RIN3: variants seen among roughly 807,000 people sequenced by gnomAD.
RIN3 encodes the protein Ras and Rab interactor 3.
RIN3 carries 54 observed loss-of-function variants against 76.3 expected under a neutral mutation model. The observed-to-expected ratio is 0.71, with a 90% CI of 0.57 to 0.89. The LOEUF (loss-of-function observed/expected upper bound fraction) is 0.89. RIN3 is among the 40% of genes least tolerant of loss of function. The probability of loss-of-function intolerance (pLI) is 0.00; values close to 1 mark genes in which losing one functional copy is unlikely to be tolerated. For synonymous variants in RIN3, 576 were observed against 564.0 expected (o/e 1.02, Z -0.30); for missense variants, 1,256 against 1,322.1 (o/e 0.95, Z 0.78).
chr14:92,576,247 C>A, intron 2 of RIN3: 1 of 1,286,116 alleles, frequency 7.8e-7, no homozygotes, highest in Non-Finnish European at 1.0e-6. Flanking sequence ...TTTAAAACAG[C>A]AGAGTTTGTG....
Position 92,669,293 on chromosome 14 carries a change from G to A in RIN3, c.2336-7182G>A, listed in dbSNP as rs1375155800. On this transcript the variant is annotated intron_variant, in intron 7 of 9. Coordinates refer to ENST00000216487, the MANE Select transcript of RIN3 (RefSeq NM_024832.5). Reference sequence around the variant, plus strand: ...CAAAATATATCCTCCAAGGTGAAACGTGCAACTGGGGTCGATAAAGCAGGG... The same window carrying A: ...CAAAATATATCCTCCAAGGTGAAACATGCAACTGGGGTCGATAAAGCAGGG... Among the ~76,000 whole-genome samples the A allele has an allele frequency of 2.0e-5, 3 of 152,294 alleles. No individual in the cohort carries two copies. The South Asian group carries it at 6.2e-4, about 32-fold the overall frequency.
intron 1 of RIN3, among the ~76,000 whole-genome samples, chr14:92,520,393 G>C (rs1896565350): frequency 1.3e-5 from 2 of 152,144 alleles, no homozygotes; most frequent in African/African-American, 4.8e-5. Flanking sequence ...GGGCCTTTGA[G>C]CCCATCCTCG....
At chr14:92,672,660 A>ATGTGTGTGTGTG (rs57611104) in intron 7 of RIN3, among the ~76,000 whole-genome samples, 9 of 148,396 alleles carry the variant, frequency 6.1e-5, no homozygotes, top group African/African-American at 2.2e-4. Flanking sequence ...ATGTGTGTGC[A>ATGTGTGTGTGTG]TGTGTGTGTG....
Position 92,688,643 on chromosome 14 carries a change from C to T in RIN3, c.*391C>T, listed in dbSNP as rs976071935. ...AAAGAAGGGCCCGAGCTTAGTTTCC[C>T]CAGGACTGGCCTAGGAAGGAGCACC... On this transcript the variant is annotated 3_prime_UTR_variant, in exon 10 of 10. Coordinates refer to ENST00000216487, the MANE Select transcript of RIN3 (RefSeq NM_024832.5). The T allele has an allele frequency of 2.6e-5, 6 of 232,024 alleles. No homozygotes were observed. The highest frequency in any genetic ancestry group is 7.0e-5 in the African/African-American group (3 of 43,004). The allele number at this position is 232,024 out of a possible 1,614,324, so 14.4% of individuals were successfully genotyped here. A position where few individuals can be genotyped will look rare whatever the true frequency, so the allele number is the denominator to read the frequency against.
At chr14:92,516,624 C>T (rs952847166) in intron 1 of RIN3, among the ~76,000 whole-genome samples, 3 of 152,166 alleles carry the variant, frequency 2.0e-5, no homozygotes, top group Non-Finnish European at 4.4e-5. Context: ...CCTGCCCCCC[C>T]ACCCCGAGAA....
At position 92,656,376 on chromosome 14, in the gene RIN3, G is replaced by A. The variant is rs904423557; in HGVS notation, c.2027-2785G>A. Among the ~76,000 whole-genome samples, 1 of 152,198 alleles carries A rather than the reference G, an allele frequency of 6.6e-6. No homozygotes were observed. The highest frequency in any genetic ancestry group is 2.4e-5 in the African/African-American group (1 of 41,446). On this transcript the variant is annotated intron_variant, in intron 6 of 9. Coordinates refer to ENST00000216487, the MANE Select transcript of RIN3 (RefSeq NM_024832.5). The surrounding 1 kb of genome is among the most constrained non-coding windows in gnomAD (Gnocchi z 5.2). ...CCCTGAAGGGTGTGTGTGGAGGGCA[G>A]AGGAGAGGGGACAAGACAGGGGGAC...
intron 2 of RIN3, among the ~76,000 whole-genome samples, chr14:92,574,192 G>T (rs915005270): frequency 7.9e-5 from 12 of 152,230 alleles, no homozygotes; most frequent in Admixed American, 7.8e-4. Context: ...GAGAGAGGGG[G>T]TCCTGAACAG....
chr14:92,581,008 G>T (rs1366188758), intron 3 of RIN3, among the ~76,000 whole-genome samples: 1 of 152,220 alleles, frequency 6.6e-6, no homozygotes, highest in Non-Finnish European at 1.5e-5. Flanking sequence ...TGACCTCTCC[G>T]TCTTGTGAAG....
intron 1 of RIN3, among the ~76,000 whole-genome samples, chr14:92,543,273 A>G (rs1566834421): frequency 6.6e-6 from 1 of 152,136 alleles, no homozygotes; most frequent in East Asian, 1.9e-4. Context: ...TGGGGGGAGT[A>G]GTCCTCATGG....
chr14:92,592,683 ATTATTATTG>A lies in RIN3; in HGVS notation c.367+15208_367+15216del, dbSNP rs1337405148. On this transcript the variant is annotated intron_variant, in intron 3 of 9. Transcript: ENST00000216487. ...TATTATTATTATTATTATTATTATT[ATTATTATTG>A]TGAGACAGAGTCTTACTCTGTCGCC... Among the ~76,000 whole-genome samples, 324 of 126,960 alleles carry A rather than the reference ATTATTATTG, an allele frequency of 2.6e-3. 3 individuals are homozygous for A. The highest frequency in any genetic ancestry group is 9.3e-3 in the African/African-American group (295 of 31,706). The allele number at this position is 126,960 out of a possible 152,430, so 83.3% of individuals were successfully genotyped here. A position where few individuals can be genotyped will look rare whatever the true frequency, so the allele number is the denominator to read the frequency against.
In RIN3 at chr14:92,656,578, G is replaced by A. The variant is rs1449539607; in HGVS notation, c.2027-2583G>A. Among the ~76,000 whole-genome samples the A allele has an allele frequency of 6.6e-6, 1 of 152,232 alleles. No individual in the cohort carries two copies. Among genetic ancestry groups the A allele is most frequent in the African/African-American group, 2.4e-5 (1 of 41,458 alleles). On this transcript the variant is annotated intron_variant, in intron 6 of 9. Transcript: ENST00000216487. The surrounding 1 kb of genome is among the most constrained non-coding windows in gnomAD (Gnocchi z 5.2). The stretch of plus-strand genomic sequence containing the variant: ...CCTGTTAAGGCCAAATCTGCTTCGG[G>A]CACCAAGATGTCAAGAGGTGCTAGA...
rs1286587450 is a variant in RIN3, at chr14:92,621,291, C to A, written c.440+5812C>A. 1.7e-4 allele frequency among the ~76,000 whole-genome samples: 22 copies of A among 132,412 alleles called. 1 individual carries two copies. 86.9% of individuals were successfully genotyped at this position (132,412 alleles called of 152,430 possible). ...ACTTCTGATGCATTTTTTTACAATA[C>A]TTCTTGTTTTACTGTCGATGAAGAG... is the stretch of plus-strand genomic sequence containing the variant. On this transcript the variant is annotated intron_variant, in intron 4 of 9. Transcript: ENST00000216487.
chr14:92,628,044 T>C lies in RIN3; in HGVS notation c.440+12565T>C, dbSNP rs993410048. ...ACCACACAATCTAGGCTAATTCCGA[T>C]TGGCTACTGTTGACATCATCAAAGG... is the stretch of plus-strand genomic sequence containing the variant. On this transcript the variant is annotated intron_variant, in intron 4 of 9. Coordinates refer to ENST00000216487, the MANE Select transcript of RIN3 (RefSeq NM_024832.5). Among the ~76,000 whole-genome samples, 6 of 152,258 alleles carry C rather than the reference T, an allele frequency of 3.9e-5. No homozygotes were observed. The South Asian group carries it at 1.0e-3, about 26-fold the overall frequency.
chr14:92,575,867 G>A (rs1326933727), intron 2 of RIN3, among the ~76,000 whole-genome samples: 1 of 151,920 alleles, frequency 6.6e-6, no homozygotes, highest in Non-Finnish European at 1.5e-5. Context: ...TGGGAATGCA[G>A]CCCAGCGGGG....
chr14:92,584,108 C>T (rs1023143334), intron 3 of RIN3, among the ~76,000 whole-genome samples: 4 of 152,182 alleles, frequency 2.6e-5, no homozygotes, highest in East Asian at 1.9e-4. Context: ...AGATACTATG[C>T]CATTTCATAT....
In RIN3 at chr14:92,575,196, A is replaced by C. The variant is rs1415827127; in HGVS notation, c.250-2164A>C. Among the ~76,000 whole-genome samples, 4 of 152,286 alleles carry C rather than the reference A, an allele frequency of 2.6e-5. No individual in the cohort carries two copies. The East Asian group carries it at 7.7e-4, about 29-fold the overall frequency. On this transcript the variant is annotated intron_variant, in intron 2 of 9. Transcript: ENST00000216487. ...TAACAATGATTATGATGATACAGCA[A>C]TATAGTAATATTAGTAATCAATACA... is the stretch of plus-strand genomic sequence containing the variant.
intron 4 of RIN3, among the ~76,000 whole-genome samples, chr14:92,629,671 C>T (rs1478145977): frequency 6.6e-6 from 1 of 152,234 alleles, no homozygotes; most frequent in African/African-American, 2.4e-5. Flanking sequence ...AAGGACACAC[C>T]AGGTACCTGG....
chr14:92,594,910 C>T (rs1184253627), intron 3 of RIN3, among the ~76,000 whole-genome samples: 1 of 152,184 alleles, frequency 6.6e-6, no homozygotes, highest in Non-Finnish European at 1.5e-5. Flanking sequence ...AGGTGGGCTG[C>T]CTGGACACTG....
intron 1 of RIN3, among the ~76,000 whole-genome samples, chr14:92,542,309 A>G (rs1897147390): frequency 6.6e-6 from 1 of 152,172 alleles, no homozygotes; most frequent in South Asian, 2.1e-4. Context: ...GCCAAAAATG[A>G]ACAGATGCTC....
Sources: gnomAD v4.1 joint callset for allele counts (sites outside exome capture counted in the v4.1 genomes callset) on GRCh38, gnomAD v4.1.1 for gene constraint, Gnocchi (gnomAD v3.1) non-coding constraint, MANE v1.5 for transcripts, NCBI Gene and HGNC (gene_info 2026-07-23, HGNC 2026-07-21) for gene names.